Variants in DHTKD1 observed in about 807,000 individuals in gnomAD.
DHTKD1 encodes 2-oxoadipate dehydrogenase complex component E1.
In DHTKD1, 78 loss-of-function variants were observed where a neutral mutation model predicts 101.8. The ratio of observed to expected loss-of-function variants is 0.77; its 90% CI spans 0.64 to 0.93. The LOEUF (loss-of-function observed/expected upper bound fraction) is 0.93, where lower values mean the gene tolerates loss of function less well. Among genes scored for constraint, DHTKD1 ranks in the 40% least tolerant of loss-of-function variants. The probability of loss-of-function intolerance (pLI) is 0.00; values close to 1 mark genes in which losing one functional copy is unlikely to be tolerated. For missense variants in DHTKD1, 1,223 were observed against 1,161.7 expected (o/e 1.05, Z -0.77); for synonymous variants, 462 against 450.3 (o/e 1.03, Z -0.33).
At chr10:12,108,311 G>T (rs749007420) in intron 12 of DHTKD1, among the ~76,000 whole-genome samples, 11 of 151,816 alleles carry the variant, frequency 7.2e-5, no homozygotes, top group African/African-American at 2.7e-4. Context: ...ATGGGGTCTC[G>T]CTCTGTTGCC....
intron 7 of DHTKD1, among the ~76,000 whole-genome samples, chr10:12,095,719 A>G (rs1267697190): frequency 1.9e-4 from 28 of 145,302 alleles, no homozygotes; most frequent in Non-Finnish European, 3.8e-4. Flanking sequence ...AGGCTGAGGC[A>G]GGAGAATGGC....
rs774430883 is a variant in DHTKD1, at chr10:12,069,108, G to C, written c.75G>C (p.Gln25His). The change falls in exon 1 of 17, where the codon CAG becomes CAC. Residue 25 changes from glutamine to histidine, a missense_variant. Transcript: ENST00000263035. ...TCCCTCTCTTCTGGCGTGGCTACCA[G>C]ACCGAGCGGGGCGTTTACGGCTACC... Reference protein sequence around the residue: ...RALPLFWRGYQTERGVYGYRP... With the variant: ...RALPLFWRGYHTERGVYGYRP... 6.2e-7 allele frequency: 1 copy of C among 1,611,082 alleles called. No individual in the cohort carries two copies. The highest frequency in any genetic ancestry group is 8.5e-7 in the Non-Finnish European group (1 of 1,179,202).
intron 16 of DHTKD1, 153 bp downstream of exon 16, chr10:12,120,420 G>A (rs1009713336): frequency 2.8e-5 from 17 of 610,962 alleles, no homozygotes; most frequent in Non-Finnish European, 4.5e-5. Flanking sequence ...TGCAAGCTCC[G>A]CCCCCCGGGT....
intron 2 of DHTKD1, among the ~76,000 whole-genome samples, chr10:12,083,371 C>T (rs950162141): frequency 4.6e-5 from 7 of 152,198 alleles, no homozygotes; most frequent in East Asian, 1.9e-4. Context: ...TCCTGGGCCA[C>T]ATTCAAAGCT....
intron 7 of DHTKD1, among the ~76,000 whole-genome samples, chr10:12,095,208 C>T (rs1381295908): frequency 1.3e-5 from 2 of 152,114 alleles, no homozygotes; most frequent in Non-Finnish European, 2.9e-5. Context: ...AAGCCACTAG[C>T]CATCAGTGGC....
chr10:12,094,316 A>G, intron 7 of DHTKD1, 45 bp downstream of exon 7: 1 of 1,518,360 alleles, frequency 6.6e-7, no homozygotes, highest in Non-Finnish European at 9.1e-7. Context: ...AAAAATTAAA[A>G]TTACTATTAT....
chr10:12,075,957 GA>G (rs1832721126), intron 1 of DHTKD1, among the ~76,000 whole-genome samples: 1 of 145,336 alleles, frequency 6.9e-6, no homozygotes, highest in African/African-American at 2.6e-5. Flanking sequence ...AAAAAAAAAG[GA>G]AAAAGAAAAT....
chr10:12,104,342 C>G (rs1038884559), intron 10 of DHTKD1, among the ~76,000 whole-genome samples: 4 of 152,086 alleles, frequency 2.6e-5, no homozygotes, highest in African/African-American at 9.7e-5. Flanking sequence ...CCAGGCCCTG[C>G]TAATTTTTGA....
intron 16 of DHTKD1, 22 bp from the exon 17 acceptor site, chr10:12,120,765 T>C (rs1218248260): frequency 6.2e-7 from 1 of 1,601,992 alleles, no homozygotes; most frequent in East Asian, 2.2e-5. Context: ...GTCATTTTAT[T>C]TCTTCTCTGC....
intron 2 of DHTKD1, among the ~76,000 whole-genome samples, chr10:12,084,245 A>G (rs540820669): frequency 1.3e-5 from 2 of 152,044 alleles, no homozygotes; most frequent in Admixed American, 1.3e-4. Flanking sequence ...GTTATTAAGA[A>G]CAAAGCACTC....
intron 5 of DHTKD1, among the ~76,000 whole-genome samples, chr10:12,090,547 A>G (rs534127949): frequency 1.7e-4 from 26 of 150,648 alleles, no homozygotes; most frequent in African/African-American, 4.9e-5. Flanking sequence ...CAATGGTGCA[A>G]TCATAGCTCA....
chr10:12,088,400 A>G (rs1459981575), intron 4 of DHTKD1, among the ~76,000 whole-genome samples: 3 of 151,622 alleles, frequency 2.0e-5, no homozygotes, highest in Non-Finnish European at 4.4e-5. Flanking sequence ...TGAGTCCAGG[A>G]GATGGAGGCT....
chr10:12,120,893 G>A lies in DHTKD1; in HGVS notation c.*5G>A. 6.2e-7 allele frequency: 1 copy of A among 1,612,620 alleles called. No homozygotes were observed. The highest frequency in any genetic ancestry group is 8.5e-7 in the Non-Finnish European group (1 of 1,179,020). On this transcript the variant is annotated 3_prime_UTR_variant, in exon 17 of 17. Transcript: ENST00000263035. ...CTCGCCAAGACCTTCGCTTGATGAT[G>A]ACTTTTGAAGAAACACTATTTCTCT... is the stretch of plus-strand genomic sequence containing the variant.
At chr10:12,071,254 T>C (rs1412609350) in intron 1 of DHTKD1, among the ~76,000 whole-genome samples, 1 of 152,144 alleles carries the variant, frequency 6.6e-6, no homozygotes, top group East Asian at 1.9e-4. Context: ...GTCCAAAACT[T>C]AGTCACATGG....
chr10:12,114,890 G>A (rs901822867), intron 13 of DHTKD1, among the ~76,000 whole-genome samples: 3 of 151,968 alleles, frequency 2.0e-5, no homozygotes, highest in Non-Finnish European at 4.4e-5. Context: ...CCGCCTCCCG[G>A]GTTCAGGCCA....
chr10:12,100,502 T>A (rs10906078), intron 9 of DHTKD1, among the ~76,000 whole-genome samples: 111,534 of 151,048 alleles, frequency 0.74, 41,788 homozygotes, highest in South Asian at 0.88. Context: ...TGACCTCGTG[T>A]TCCACCCGCC....
intron 1 of DHTKD1, among the ~76,000 whole-genome samples, chr10:12,078,330 T>A (rs1312465805): frequency 6.6e-6 from 1 of 151,522 alleles, no homozygotes; most frequent in Non-Finnish European, 1.5e-5. Flanking sequence ...GAGACTGAGA[T>A]GGGAGAATTG....
Position 12,097,919 on chromosome 10 carries a change from C to A in DHTKD1, c.1594C>A (p.Arg532=), listed in dbSNP as rs781243504. 1 of 1,614,074 alleles carries A rather than the reference C, an allele frequency of 6.2e-7. No homozygotes were observed. Among genetic ancestry groups the A allele is most frequent in the Non-Finnish European group, 8.5e-7 (1 of 1,180,038 alleles). ...TACAGGTGTGCCCCTCGACCTCCTGCGGTTTGTTGGCATGAAGTCTGTAGA... is the reference window on the plus strand; with the variant it reads ...TACAGGTGTGCCCCTCGACCTCCTGAGGTTTGTTGGCATGAAGTCTGTAGA... ...WSTGVPLDLL[R]FVGMKSVEVP... is the part of the protein sequence containing the mutation. The change falls in exon 8 of 17, where the codon CGG becomes AGG. Residue 532 remains arginine (R), a synonymous_variant. Coordinates refer to ENST00000263035, the MANE Select transcript of DHTKD1 (RefSeq NM_018706.7).
intron 15 of DHTKD1, among the ~76,000 whole-genome samples, chr10:12,119,450 C>G (rs1459327960): frequency 3.4e-5 from 5 of 148,042 alleles, no homozygotes. Context: ...CCCGTCTCTA[C>G]TGAAAATACA....
Sources: allele counts gnomAD v4.1 joint callset (sites outside exome capture counted in the v4.1 genomes callset), GRCh38; gene constraint gnomAD v4.1.1; transcripts MANE v1.5; gene names NCBI Gene and HGNC (gene_info 2026-07-23, HGNC 2026-07-21).